USP53: variants seen among roughly 807,000 people sequenced by gnomAD.
USP53 encodes ubiquitin carboxyl-terminal hydrolase 53.
A neutral mutation model predicts 94.9 loss-of-function variants in USP53; 71 were observed. The observed-to-expected ratio is 0.75, with a 90% CI of 0.62 to 0.91. The LOEUF is 0.91. Among genes scored for constraint, USP53 ranks in the 40% least tolerant of loss-of-function variants. The pLI, the probability that USP53 is intolerant of heterozygous loss-of-function variation, is 0.00. For missense variants in USP53, 1,173 were observed against 1,281.0 expected (o/e 0.92, Z 1.29); for synonymous variants, 375 against 422.7 (o/e 0.89, Z 1.39).
At chr4:119,267,258 T>C (rs1751247827) in intron 12 of USP53, 62 bp from the exon 13 acceptor site, 2 of 1,513,128 alleles carry the variant, frequency 1.3e-6, no homozygotes, top group African/African-American at 2.8e-5. Flanking sequence ...AGTCTGTCTT[T>C]TCATGTAACA....
At chr4:119,220,052 T>A (rs972875694) in intron 3 of USP53, 3 of 152,204 alleles carry the variant, frequency 2.0e-5, no homozygotes, top group Non-Finnish European at 4.4e-5. Flanking sequence ...ATTTTGTTTT[T>A]TCTTATTTAA....
At chr4:119,235,132 C>A (rs1214975501) in intron 3 of USP53, among the ~76,000 whole-genome samples, 158 bp from the exon 4 acceptor site, 1 of 152,174 alleles carries the variant, frequency 6.6e-6, no homozygotes, top group Non-Finnish European at 1.5e-5. Flanking sequence ...GACTTGGATT[C>A]TTTTAGAGAC....
chr4:119,222,384 A>C (rs910692199), intron 3 of USP53, among the ~76,000 whole-genome samples: 1 of 152,226 alleles, frequency 6.6e-6, no homozygotes, highest in Non-Finnish European at 1.5e-5. Flanking sequence ...TGTGCTACTG[A>C]ACACGAGAAC....
chr4:119,273,748 T>A (rs1034788287), intron 17 of USP53, 40 bp downstream of exon 17: 11 of 1,503,534 alleles, frequency 7.3e-6, no homozygotes, highest in African/African-American at 1.4e-5. Flanking sequence ...CTGTAAAAAA[T>A]GAATTATAGT....
chr4:119,267,549 T>G, intron 13 of USP53, 67 bp downstream of exon 13: 4 of 1,432,490 alleles, frequency 2.8e-6, no homozygotes, highest in Non-Finnish European at 3.8e-6. Context: ...ATACTAGTAC[T>G]CTGAATATAA....
intron 12 of USP53, among the ~76,000 whole-genome samples, chr4:119,265,789 T>A (rs916241297): frequency 1.3e-5 from 2 of 152,232 alleles, no homozygotes; most frequent in Admixed American, 6.5e-5. Flanking sequence ...ATCAGAATTG[T>A]TCTTAAAAGT....
At position 119,271,397 on chromosome 4, in the gene USP53, A is replaced by G. The variant is rs765636140; in HGVS notation, c.1537A>G (p.Lys513Glu). Residue 513 changes from lysine (K) to glutamate (E), a missense_variant, in exon 16 of 19, where the codon AAA (lysine) becomes GAA (glutamate). Transcript: ENST00000692078. ...TCCACATCTATATCATAGTCAAGGA[A>G]AAGGATCATATAAACATGACCGAGT... ...GNPHLYHSQG[K>E]GSYKHDRVVP... 6.2e-7 allele frequency: 1 copy of G among 1,613,960 alleles called. No homozygotes were observed. Among genetic ancestry groups the G allele is most frequent in the African/African-American group, 1.3e-5 (1 of 75,040 alleles).
At chr4:119,216,669 A>G (rs1027536080) in intron 2 of USP53, among the ~76,000 whole-genome samples, 4 of 152,218 alleles carry the variant, frequency 2.6e-5, no homozygotes, top group African/African-American at 7.2e-5. Context: ...AGATATTCTT[A>G]AACTAGGATA....
At chr4:119,236,753 C>T (rs1242467558) in intron 4 of USP53, among the ~76,000 whole-genome samples, 2 of 152,194 alleles carry the variant, frequency 1.3e-5, no homozygotes, top group South Asian at 2.1e-4. Context: ...CTGTTTACAT[C>T]CAGTTACTTT....
chr4:119,242,799 G>T (rs944192868), intron 5 of USP53, among the ~76,000 whole-genome samples: 2 of 152,084 alleles, frequency 1.3e-5, no homozygotes. Context: ...TTTGCAATTC[G>T]ATGAATACAT....
chr4:119,241,278 A>G (rs1362076304), intron 5 of USP53, among the ~76,000 whole-genome samples: 1 of 152,180 alleles, frequency 6.6e-6, no homozygotes, highest in Non-Finnish European at 1.5e-5. Flanking sequence ...GACATTTACC[A>G]TGAAGACTGT....
chr4:119,288,056 T>G (rs34951506), intron 17 of USP53, among the ~76,000 whole-genome samples: 14,061 of 152,286 alleles, frequency 0.092, 839 homozygotes, highest in Non-Finnish European at 0.13. Context: ...GCCTCAGATA[T>G]CTTTATAATC....
intron 14 of USP53, 114 bp downstream of exon 14, chr4:119,268,534 G>A: frequency 2.8e-6 from 3 of 1,075,356 alleles, no homozygotes; most frequent in Non-Finnish European, 3.9e-6. Context: ...ATAACAAATA[G>A]ATAACAAAAT....
intron 13 of USP53, among the ~76,000 whole-genome samples, chr4:119,267,840 T>C (rs191029317): frequency 1.3e-5 from 2 of 152,350 alleles, no homozygotes; most frequent in Admixed American, 1.3e-4. Context: ...ATGATGTCAA[T>C]CCGCTTAAGT....
chr4:119,271,203 C>A, intron 15 of USP53, 93 bp from the exon 16 acceptor site: 1 of 1,484,172 alleles, frequency 6.7e-7, no homozygotes, highest in Non-Finnish European at 8.9e-7. Flanking sequence ...ACCTAAAACT[C>A]TTTAACATTT....
chr4:119,256,394 T>A, intron 8 of USP53, 35 bp downstream of exon 8: 3 of 1,613,240 alleles, frequency 1.9e-6, no homozygotes, highest in Non-Finnish European at 2.5e-6. Context: ...GATATTGTAG[T>A]TCTGTTTTAT....
intron 5 of USP53, among the ~76,000 whole-genome samples, chr4:119,243,511 TAAAAA>T (rs1747826799): frequency 6.6e-6 from 1 of 151,852 alleles, no homozygotes; most frequent in Non-Finnish European, 1.5e-5. Flanking sequence ...AATAAATAAA[TAAAAA>T]TAAAATAAAA....
chr4:119,267,437 C>CA lies in USP53; in HGVS notation c.1091dup (p.Val365GlyfsTer17). ...AGTTTCTACTGAGGATGCACTCAGG[C>CA]AGGTCATCAGCTGGTCACATTACAA... On this transcript the variant is annotated frameshift_variant, in exon 13 of 19. Coordinates refer to ENST00000692078, the MANE Select transcript of USP53 (RefSeq NM_001371395.1). LOFTEE classifies it high-confidence loss of function. 1 of 1,614,054 alleles carries CA rather than the reference C, an allele frequency of 6.2e-7. No individual in the cohort carries two copies.
chr4:119,229,689 A>G (rs1025515482), intron 3 of USP53, among the ~76,000 whole-genome samples: 5 of 152,062 alleles, frequency 3.3e-5, no homozygotes, highest in Non-Finnish European at 5.9e-5. Context: ...GTGCAGGCCT[A>G]TGTCATCTCT....
Sources: gnomAD v4.1 joint callset for allele counts (sites outside exome capture counted in the v4.1 genomes callset) on GRCh38, gnomAD v4.1.1 for gene constraint, MANE v1.5 for transcripts, NCBI Gene and HGNC (gene_info 2026-07-23, HGNC 2026-07-21) for gene names.